The following ANK3 variants were observed in gnomAD, a reference collection of about 807,000 sequenced individuals.
ANK3 encodes ankyrin 3, also known as ankyrin-3.
A neutral mutation model predicts 370.9 loss-of-function variants in ANK3; 57 were observed. That is an observed-to-expected ratio of 0.15 (90% CI 0.12 to 0.19). The LOEUF (loss-of-function observed/expected upper bound fraction) is 0.19, where lower values mean the gene tolerates loss of function less well. Among genes scored for constraint, ANK3 ranks in the 10% least tolerant of loss-of-function variants. The pLI is 1.00. For missense variants in ANK3, 4,439 were observed against 5,302.1 expected, an observed-to-expected ratio of 0.84 and a Z score of 5.06; for synonymous variants, 1,929 against 1,946.3, an observed-to-expected ratio of 0.99 and a Z score of 0.23.
At chr10:60,657,478 T>C (rs2078880512) in intron 1 of ANK3, among the ~76,000 whole-genome samples, 1 of 152,210 alleles carries the variant, frequency 6.6e-6, no homozygotes, top group African/African-American at 2.4e-5. Flanking sequence ...TTCTTTGACC[T>C]ATGGTTAATT....
intron 2 of ANK3, among the ~76,000 whole-genome samples, chr10:60,446,642 A>G (rs908596231): frequency 6.6e-6 from 1 of 152,202 alleles, no homozygotes; most frequent in Non-Finnish European, 1.5e-5. Flanking sequence ...GGCAGATAAC[A>G]TGTACAGGCT....
intron 2 of ANK3, among the ~76,000 whole-genome samples, chr10:60,558,364 G>A (rs1210722821): frequency 6.6e-6 from 1 of 152,174 alleles, no homozygotes; most frequent in East Asian, 1.9e-4. Context: ...TAGGTGCTAG[G>A]TATTCATGGC....
intron 27 of ANK3, among the ~76,000 whole-genome samples, chr10:60,106,365 T>C (rs1427056493): frequency 6.6e-6 from 1 of 152,140 alleles, no homozygotes; most frequent in Admixed American, 6.5e-5. Flanking sequence ...CTTATTAAAG[T>C]AGACCATAAG....
chr10:60,597,284 T>G (rs1041632617), intron 2 of ANK3, among the ~76,000 whole-genome samples: 3 of 152,170 alleles, frequency 2.0e-5, no homozygotes, highest in Admixed American at 1.3e-4. Flanking sequence ...AGCAGTCAGA[T>G]TAGGAATTAC....
At chr10:60,306,046 T>C (rs1249488302) in intron 1 of ANK3, among the ~76,000 whole-genome samples, 1 of 152,162 alleles carries the variant, frequency 6.6e-6, no homozygotes, top group African/African-American at 2.4e-5. Context: ...CCCATTTAAC[T>C]GAACCCCTTC....
At chr10:60,224,734 G>A (rs1346690055) in intron 8 of ANK3, among the ~76,000 whole-genome samples, 1 of 151,976 alleles carries the variant, frequency 6.6e-6, no homozygotes, top group African/African-American at 2.4e-5. Context: ...AGAGAACTCT[G>A]CAGATAGATC....
intron 1 of ANK3, among the ~76,000 whole-genome samples, chr10:60,293,804 C>G (rs1353822790): frequency 6.6e-6 from 1 of 152,202 alleles, no homozygotes; most frequent in African/African-American, 2.4e-5. Context: ...ACCACCACAA[C>G]ACAAACTGCT....
At chr10:60,430,749 G>A (rs992436016) in intron 2 of ANK3, among the ~76,000 whole-genome samples, 1 of 151,976 alleles carries the variant, frequency 6.6e-6, no homozygotes, top group African/African-American at 2.4e-5. Context: ...TTTCTCAGAA[G>A]GCTAAGTTTT....
At chr10:60,085,300 C>A in intron 30 of ANK3, 47 bp from the exon 31 acceptor site, 1 of 1,466,344 alleles carries the variant, frequency 6.8e-7, no homozygotes, top group South Asian at 1.2e-5. Context: ...GGGAGATGCT[C>A]CTTGTAAAAT....
intron 2 of ANK3, among the ~76,000 whole-genome samples, chr10:60,489,743 T>G (rs10994378): frequency 0.15 from 22,059 of 152,124 alleles, 1,888 homozygotes; most frequent in African/African-American, 0.24. Flanking sequence ...TGTATCCTGG[T>G]TCCACAAAAG....
At chr10:60,646,538 G>C (rs7915540) in intron 1 of ANK3, among the ~76,000 whole-genome samples, 103,175 of 151,958 alleles carry the variant, frequency 0.68, 35,154 homozygotes, top group South Asian at 0.83. Flanking sequence ...TAGCAAGACT[G>C]CATCTCTTCA....
At chr10:60,673,674 G>T (rs1469108978) in intron 1 of ANK3, among the ~76,000 whole-genome samples, 2 of 152,024 alleles carry the variant, frequency 1.3e-5, no homozygotes, top group Non-Finnish European at 2.9e-5. Context: ...TTTAAATAAG[G>T]TCTCACAAGT....
chr10:60,561,804 G>A (rs115123525), intron 2 of ANK3, among the ~76,000 whole-genome samples: 9 of 152,098 alleles, frequency 5.9e-5, no homozygotes, highest in African/African-American at 2.2e-4. Flanking sequence ...AGTCCCTGTG[G>A]TGACTGAGCA....
At chr10:60,389,877 G>T (rs2062950113), upstream of ANK3, 1 of 1,052,604 alleles carries the variant, frequency 9.5e-7, no homozygotes, top group Non-Finnish European at 1.1e-6. Flanking sequence ...GTGTCTAAGT[G>T]ATTCCTCGGA....
intron 23 of ANK3, among the ~76,000 whole-genome samples, chr10:60,152,345 T>C (rs1211337911): frequency 6.6e-6 from 1 of 152,236 alleles, no homozygotes; most frequent in Non-Finnish European, 1.5e-5. Flanking sequence ...GCTTTTGTTC[T>C]ACAAAGGCAG....
At chr10:60,431,217 G>A (rs1214561127) in intron 2 of ANK3, among the ~76,000 whole-genome samples, 2 of 152,180 alleles carry the variant, frequency 1.3e-5, no homozygotes, top group Non-Finnish European at 2.9e-5. Context: ...TGGTGATAGT[G>A]ACAAATCACC....
At chr10:60,033,219 G>A (rs1432675087) in intron 43 of ANK3, among the ~76,000 whole-genome samples, 1 of 151,994 alleles carries the variant, frequency 6.6e-6, no homozygotes, top group Admixed American at 6.6e-5. Context: ...CGAAAACAGG[G>A]CCACGCACGG....
chr10:60,517,508 T>G (rs1013113717), intron 2 of ANK3, among the ~76,000 whole-genome samples: 1 of 152,114 alleles, frequency 6.6e-6, no homozygotes, highest in Non-Finnish European at 1.5e-5. Context: ...AATTTGAATT[T>G]GGGGCCACGT....
intron 23 of ANK3, among the ~76,000 whole-genome samples, chr10:60,141,559 C>CTTTTTTTTT (rs2094555559): frequency 4.9e-5 from 3 of 61,158 alleles, no homozygotes; most frequent in Admixed American, 2.3e-4. Context: ...ATTTCAATTG[C>CTTTTTTTTT]TGTTTTTTTT....
Sources: gnomAD v4.1 joint callset for allele counts (sites outside exome capture counted in the v4.1 genomes callset) on GRCh38, gnomAD v4.1.1 for gene constraint, MANE v1.5 for transcripts, NCBI Gene and HGNC (gene_info 2026-07-23, HGNC 2026-07-21) for gene names.